Variants in CNTNAP5 observed in about 807,000 individuals in gnomAD.
CNTNAP5 encodes contactin associated protein family member 5.
In CNTNAP5, 72 loss-of-function variants were observed where a neutral mutation model predicts 150.2. The observed-to-expected ratio is 0.48, with a 90% CI of 0.40 to 0.58. CNTNAP5 has a LOEUF of 0.58. Among genes scored for constraint, CNTNAP5 ranks in the 20% least tolerant of loss-of-function variants. CNTNAP5 has a pLI of 0.00. For synonymous variants in CNTNAP5, 672 were observed against 619.8 expected (o/e 1.08, Z -1.25); for missense variants, 1,636 against 1,626.2 (o/e 1.01, Z -0.10).
intron 6 of CNTNAP5, among the ~76,000 whole-genome samples, chr2:124,473,143 A>G (rs910203993): frequency 1.3e-5 from 2 of 152,074 alleles, no homozygotes; most frequent in African/African-American, 4.8e-5. Flanking sequence ...TGAAATCATG[A>G]AATTCATAGA....
intron 1 of CNTNAP5, among the ~76,000 whole-genome samples, chr2:124,120,557 A>T (rs1382060097): frequency 2.0e-5 from 3 of 152,224 alleles, no homozygotes; most frequent in Non-Finnish European, 4.4e-5. Flanking sequence ...TGGTGTAATC[A>T]GCTAATTTTA....
intron 3 of CNTNAP5, among the ~76,000 whole-genome samples, chr2:124,294,912 C>G (rs538649486): frequency 6.6e-6 from 1 of 152,084 alleles, no homozygotes; most frequent in Non-Finnish European, 1.5e-5. Flanking sequence ...TTGAAAACAG[C>G]CTGACCAACT....
At chr2:124,901,890 G>A (rs575015883) in intron 21 of CNTNAP5, among the ~76,000 whole-genome samples, 1 of 152,172 alleles carries the variant, frequency 6.6e-6, no homozygotes, top group South Asian at 2.1e-4. Flanking sequence ...ACCTCTTAAT[G>A]TTGCCAACAT....
chr2:124,843,854 G>T (rs1265657248), intron 19 of CNTNAP5, among the ~76,000 whole-genome samples: 1 of 151,888 alleles, frequency 6.6e-6, no homozygotes, highest in East Asian at 1.9e-4. Context: ...TGATGAGATT[G>T]TCTGTTCTTT....
At chr2:124,723,404 T>A (rs955457245) in intron 13 of CNTNAP5, among the ~76,000 whole-genome samples, 7 of 152,210 alleles carry the variant, frequency 4.6e-5, no homozygotes, top group African/African-American at 1.4e-4. Flanking sequence ...ATTCATTGTA[T>A]TCCTACCAAA....
chr2:124,252,086 C>G (rs889656160), intron 3 of CNTNAP5, among the ~76,000 whole-genome samples: 2 of 152,156 alleles, frequency 1.3e-5, no homozygotes, highest in African/African-American at 4.8e-5. Context: ...CACTTTCATG[C>G]CTGGGCATCC....
intron 12 of CNTNAP5, among the ~76,000 whole-genome samples, chr2:124,633,916 A>G (rs1452429073): frequency 6.6e-6 from 1 of 152,108 alleles, no homozygotes; most frequent in Non-Finnish European, 1.5e-5. Context: ...GCCACACTGA[A>G]GCTGAATAGG....
intron 1 of CNTNAP5, among the ~76,000 whole-genome samples, chr2:124,026,801 G>C (rs1351239826): frequency 6.6e-6 from 1 of 152,194 alleles, no homozygotes; most frequent in East Asian, 1.9e-4. Flanking sequence ...GCACTATCAT[G>C]GTTGGTTAGA....
chr2:124,596,068 G>T (rs1696821861), intron 11 of CNTNAP5, among the ~76,000 whole-genome samples: 1 of 130,092 alleles, frequency 7.7e-6, no homozygotes. Context: ...TATCAATTTT[G>T]TTGATCCTTT....
At chr2:124,600,731 C>CAGAGAGAGAGAGAGAGAGAGAGAG (rs374118230) in intron 11 of CNTNAP5, among the ~76,000 whole-genome samples, 25 of 124,140 alleles carry the variant, frequency 2.0e-4, no homozygotes, top group Non-Finnish European at 3.5e-4. Flanking sequence ...CAACAATACT[C>CAGAGAGAGAGAGAGAGAGAGAGAG]AGAGAGAGAG....
intron 3 of CNTNAP5, among the ~76,000 whole-genome samples, chr2:124,256,170 C>T (rs1306708628): frequency 1.3e-5 from 2 of 151,992 alleles, no homozygotes; most frequent in Non-Finnish European, 1.5e-5. Context: ...AATTGAGCCA[C>T]TTGTCAATAT....
Position 124,790,071 on chromosome 2 carries a change from T to C in CNTNAP5, c.2922T>C (p.Cys974=), listed in dbSNP as rs367709950. The C allele has an allele frequency of 3.5e-5, 57 of 1,613,894 alleles. No homozygotes were observed. In the African/African-American group the frequency reaches 6.7e-4, roughly 19 times the overall value. ...YGSICHNGGK[C]VEKHNGYLCD... is the part of the protein sequence containing the mutation. The stretch of plus-strand genomic sequence containing the variant: ...GCATCTGCCACAACGGGGGCAAGTG[T>C]GTGGAGAAGCACAATGGCTACCTGT... Residue 974 remains cysteine, a synonymous_variant, in exon 18 of 24, where the codon TGT becomes TGC. Transcript: ENST00000682447.
At chr2:124,184,284 G>T (rs1000021086) in intron 1 of CNTNAP5, among the ~76,000 whole-genome samples, 3 of 152,112 alleles carry the variant, frequency 2.0e-5, no homozygotes. Flanking sequence ...ACTTCAAAAG[G>T]GACCATATAT....
intron 3 of CNTNAP5, among the ~76,000 whole-genome samples, chr2:124,360,003 T>C (rs913911820): frequency 7.8e-6 from 1 of 129,014 alleles, no homozygotes; most frequent in African/African-American, 2.9e-5. Context: ...ATTGGGTTCA[T>C]ATATATTTAG....
chr2:124,410,681 C>T (rs1283951505), intron 3 of CNTNAP5, among the ~76,000 whole-genome samples: 5 of 151,456 alleles, frequency 3.3e-5, no homozygotes, highest in Non-Finnish European at 4.4e-5. Flanking sequence ...TTGAAACCAG[C>T]GAGAACAAAG....
chr2:124,122,298 T>C (rs527721208), intron 1 of CNTNAP5, among the ~76,000 whole-genome samples: 2 of 152,314 alleles, frequency 1.3e-5, no homozygotes, highest in Admixed American at 1.3e-4. Flanking sequence ...TCGTGAAACA[T>C]TAGGCAGGCT....
intron 11 of CNTNAP5, among the ~76,000 whole-genome samples, chr2:124,577,519 G>T (rs1696310900): frequency 6.6e-6 from 1 of 152,046 alleles, no homozygotes; most frequent in Non-Finnish European, 1.5e-5. Flanking sequence ...ATCTATTCAG[G>T]GTTCAACAGT....
chr2:124,275,272 A>G (rs1006121236), intron 3 of CNTNAP5, among the ~76,000 whole-genome samples: 26 of 152,204 alleles, frequency 1.7e-4, no homozygotes, highest in African/African-American at 6.3e-4. Context: ...ATAAAGAAAA[A>G]CAGTAAGAAA....
chr2:124,629,951 A>AAAAAAC (rs1422707257), intron 12 of CNTNAP5, among the ~76,000 whole-genome samples: 7 of 148,794 alleles, frequency 4.7e-5, no homozygotes, highest in Non-Finnish European at 9.0e-5. Flanking sequence ...AAAAAAAAAA[A>AAAAAAC]AAAACTGGAA....
Sources: gnomAD v4.1 joint callset for allele counts (sites outside exome capture counted in the v4.1 genomes callset) on GRCh38, gnomAD v4.1.1 for gene constraint, MANE v1.5 for transcripts, NCBI Gene and HGNC (gene_info 2026-07-23, HGNC 2026-07-21) for gene names.